The following NHSL1 variants were observed in gnomAD, a reference collection of about 807,000 sequenced individuals.
NHSL1 encodes NHS like 1.
Under a neutral mutation model 95.0 loss-of-function variants are expected in NHSL1, and 48 were observed. The ratio of observed to expected loss-of-function variants is 0.51; its 90% CI spans 0.40 to 0.64. The LOEUF is 0.64. Among genes scored for constraint, NHSL1 ranks in the 30% least tolerant of loss-of-function variants. The pLI, the probability that NHSL1 is intolerant of heterozygous loss-of-function variation, is 0.00. For missense variants in NHSL1, 1,971 were observed against 2,077.7 expected (o/e 0.95, Z 1.00); for synonymous variants, 783 against 833.9 (o/e 0.94, Z 1.05).
chr6:138,442,076 G>A lies in NHSL1; in HGVS notation c.571C>T (p.Leu191=), dbSNP rs1776563481. Residue 191 remains leucine (L), a synonymous_variant, in exon 5 of 8, where the codon CTA becomes TTA. Transcript: ENST00000343505. The part of the protein sequence containing the change: ...FDRQASLRRS[L]IYTDTLVRRP... ...CTTACCAGAGTGTCTGTGTAAATTAGAGACCGCCGAAGGCTGGCCTGGCGA... is the reference window on the plus strand; with the variant it reads ...CTTACCAGAGTGTCTGTGTAAATTAAAGACCGCCGAAGGCTGGCCTGGCGA... The A allele has an allele frequency of 6.4e-7, 1 of 1,550,978 alleles. No homozygotes were observed. The highest frequency in any genetic ancestry group is 8.7e-7 in the Non-Finnish European group (1 of 1,146,730).
intron 1 of NHSL1, among the ~76,000 whole-genome samples, chr6:138,523,438 T>C (rs1206971764): frequency 1.3e-5 from 2 of 151,934 alleles, no homozygotes; most frequent in Admixed American, 6.6e-5. Context: ...GCCTTCCAAG[T>C]AGCTGGGACT....
intron 3 of NHSL1, among the ~76,000 whole-genome samples, chr6:138,452,021 C>T (rs2128224959): frequency 6.6e-6 from 1 of 152,308 alleles, no homozygotes; most frequent in South Asian, 2.1e-4. Flanking sequence ...TGAAATCCCT[C>T]AATATAGGGT....
chr6:138,538,945 C>T (rs1430274479), intron 1 of NHSL1, among the ~76,000 whole-genome samples: 1 of 152,044 alleles, frequency 6.6e-6, no homozygotes, highest in Non-Finnish European at 1.5e-5. Flanking sequence ...TCATGCACCC[C>T]CTCCCCCAAG....
intron 1 of NHSL1, among the ~76,000 whole-genome samples, chr6:138,556,289 A>G (rs1453492528): frequency 6.6e-6 from 1 of 152,172 alleles, no homozygotes; most frequent in Non-Finnish European, 1.5e-5. Flanking sequence ...ACCAAAATAG[A>G]GAGTAACTAT....
chr6:138,477,688 A>T (rs1467839159), intron 2 of NHSL1, among the ~76,000 whole-genome samples: 1 of 152,188 alleles, frequency 6.6e-6, no homozygotes, highest in Non-Finnish European at 1.5e-5. Context: ...CTACTCAAAC[A>T]TTACTTTTAC....
chr6:138,650,744 C>T, intron 1 of NHSL1: 1 of 545,912 alleles, frequency 1.8e-6, no homozygotes. Flanking sequence ...CATAGGAGGT[C>T]TCCTTCACAA....
At chr6:138,657,640 C>T (rs980573166) in intron 1 of NHSL1, among the ~76,000 whole-genome samples, 10 of 151,352 alleles carry the variant, frequency 6.6e-5, no homozygotes, top group South Asian at 2.1e-4. Flanking sequence ...GGTGAAACCC[C>T]GTCTCTACTA....
intron 1 of NHSL1, among the ~76,000 whole-genome samples, chr6:138,633,622 TCCC>T (rs1562398096): frequency 6.6e-6 from 1 of 152,128 alleles, no homozygotes; most frequent in Non-Finnish European, 1.5e-5. Context: ...AAATTTGTCG[TCCC>T]CAGACAAAAG....
chr6:138,530,210 C>T (rs6919935), intron 1 of NHSL1, among the ~76,000 whole-genome samples: 83,910 of 151,972 alleles, frequency 0.55, 24,959 homozygotes, highest in African/African-American at 0.78. Flanking sequence ...AGTGCACCTA[C>T]AAAAGAGGCC....
At chr6:138,549,155 G>A (rs577828820), upstream of NHSL1, among the ~76,000 whole-genome samples, 2 of 152,132 alleles carry the variant, frequency 1.3e-5, no homozygotes, top group South Asian at 2.1e-4. Context: ...AGGCCAAGGC[G>A]GGTGGATCAC....
chr6:138,588,300 T>C (rs963622687), intron 1 of NHSL1, among the ~76,000 whole-genome samples: 1 of 152,100 alleles, frequency 6.6e-6, no homozygotes, highest in African/African-American at 2.4e-5. Context: ...CCGCCTCTAC[T>C]AAAAATACAA....
At chr6:138,673,031 G>GTAGATAGCTAGA (rs1554259667) in intron 1 of NHSL1, among the ~76,000 whole-genome samples, 1 of 148,058 alleles carries the variant, frequency 6.8e-6, no homozygotes, top group Non-Finnish European at 1.5e-5. Flanking sequence ...AGATAGATAG[G>GTAGATAGCTAGA]TAGATAGATA....
chr6:138,498,858 A>G lies in NHSL1; in HGVS notation c.58+375T>C, dbSNP rs191905259. 7.9e-5 allele frequency among the ~76,000 whole-genome samples: 12 copies of G among 152,314 alleles called. No homozygotes were observed. In the East Asian group the frequency reaches 2.3e-3, roughly 29 times the overall value. On this transcript the variant is annotated intron_variant, in intron 1 of 7. Transcript: ENST00000343505. Reference sequence around the variant, plus strand: ...TATTTATCCAAAGAATCAAAAAATCATACACTTGATATCAAGGGAAACATA... The same window carrying G: ...TATTTATCCAAAGAATCAAAAAATCGTACACTTGATATCAAGGGAAACATA...
At chr6:138,534,438 T>C (rs890855636) in intron 1 of NHSL1, among the ~76,000 whole-genome samples, 11 of 152,114 alleles carry the variant, frequency 7.2e-5, no homozygotes, top group Non-Finnish European at 1.6e-4. Flanking sequence ...ATTTTAATAA[T>C]GCTATGAAAG....
At chr6:138,619,947 C>CAAAAAAA (rs11376703) in intron 1 of NHSL1, among the ~76,000 whole-genome samples, 4 of 102,156 alleles carry the variant, frequency 3.9e-5, no homozygotes, top group East Asian at 2.8e-4. Flanking sequence ...AACTCTATCA[C>CAAAAAAA]AAAAAAAAAA....
chr6:138,425,504 G>A (rs1398979264), intron 7 of NHSL1, among the ~76,000 whole-genome samples: 2 of 152,106 alleles, frequency 1.3e-5, no homozygotes, highest in Non-Finnish European at 2.9e-5. Context: ...CATTAATTAC[G>A]GTCACCCTTC....
chr6:138,650,108 C>A (rs1049515760), intron 1 of NHSL1: 7 of 522,368 alleles, frequency 1.3e-5, no homozygotes, highest in African/African-American at 7.7e-5. Context: ...CCCGGCTGGG[C>A]GGGAGCACAT....
intron 3 of NHSL1, among the ~76,000 whole-genome samples, chr6:138,472,596 T>C (rs1405569669): frequency 6.6e-6 from 1 of 152,172 alleles, no homozygotes; most frequent in Non-Finnish European, 1.5e-5. Flanking sequence ...TCAAATCTTA[T>C]TTTAAGTAAT....
At chr6:138,636,588 A>T (rs763382718) in intron 1 of NHSL1, among the ~76,000 whole-genome samples, 4 of 152,194 alleles carry the variant, frequency 2.6e-5, no homozygotes, top group East Asian at 1.9e-4. Flanking sequence ...AAATCAACAT[A>T]AAAAAATCAG....
Sources: allele counts gnomAD v4.1 joint callset (sites outside exome capture counted in the v4.1 genomes callset), GRCh38; gene constraint gnomAD v4.1.1; transcripts MANE v1.5; gene names NCBI Gene and HGNC (gene_info 2026-07-23, HGNC 2026-07-21).